Variants in USP13 observed in about 807,000 individuals in gnomAD.
USP13 encodes the protein ubiquitin carboxyl-terminal hydrolase 13.
A neutral mutation model predicts 107.8 loss-of-function variants in USP13; 68 were observed. That is an observed-to-expected ratio of 0.63 (90% CI 0.52 to 0.77). The LOEUF is 0.77. Ranked by LOEUF, USP13 falls within the 30% of genes least tolerant of loss-of-function variation. The probability of loss-of-function intolerance (pLI) is 0.00; values close to 1 mark genes in which losing one functional copy is unlikely to be tolerated. For missense variants in USP13, 945 were observed against 1,093.3 expected, an observed-to-expected ratio of 0.86 and a Z score of 1.91; for synonymous variants, 377 against 389.5, an observed-to-expected ratio of 0.97 and a Z score of 0.38.
chr3:179,687,878 G>C (rs1237256327), intron 2 of USP13, among the ~76,000 whole-genome samples: 1 of 151,920 alleles, frequency 6.6e-6, no homozygotes, highest in Non-Finnish European at 1.5e-5. Context: ...GTAATTATAA[G>C]GTGCTCATGA....
chr3:179,773,976 G>C (rs560479904), intron 19 of USP13, among the ~76,000 whole-genome samples: 39 of 152,214 alleles, frequency 2.6e-4, no homozygotes, highest in African/African-American at 9.4e-4. Context: ...TGCTGTAAGA[G>C]AATACCTGAG....
At position 179,681,996 on chromosome 3, in the gene USP13, T is replaced by C; in HGVS notation, c.287T>C (p.Val96Ala). The C allele has an allele frequency of 6.2e-7, 1 of 1,612,808 alleles. No individual in the cohort carries two copies. Among genetic ancestry groups the C allele is most frequent in the Non-Finnish European group, 8.5e-7 (1 of 1,179,232 alleles). ...GTATACATGCACCTGAAAAGACATG[T>C]GCGAGAGGTGAGAGCGGCACTTTCA... Reference protein sequence around the residue: ...QSVYMHLKRHVREKVRGASGG... With the variant: ...QSVYMHLKRHAREKVRGASGG... The change falls in exon 2 of 21, where the codon GTG (valine) becomes GCG (alanine). Residue 96 changes from valine (V) to alanine (A), a missense_variant. Val to Ala is a moderately conservative substitution (Grantham distance 64). Transcript: ENST00000263966.
intron 19 of USP13, among the ~76,000 whole-genome samples, chr3:179,777,566 C>T (rs1379514576): frequency 4.0e-5 from 6 of 151,766 alleles, no homozygotes; most frequent in African/African-American, 1.5e-4. Flanking sequence ...AATTCTCCCA[C>T]CTCCGTCTCC....
rs74494340 is a variant in USP13 at position 179,655,198 on chromosome 3, A to G, written c.168+1805A>G. ...GAAAGTGGGTCAAATGACTTTCCCCATGTTTTGATTTGGGCTCTTCTTCAA... is the reference window on the plus strand; with the variant it reads ...GAAAGTGGGTCAAATGACTTTCCCCGTGTTTTGATTTGGGCTCTTCTTCAA... On this transcript the variant is annotated intron_variant, in intron 1 of 20. Coordinates refer to ENST00000263966, the MANE Select transcript of USP13 (RefSeq NM_003940.3). Among the ~76,000 whole-genome samples, 8 of 152,250 alleles carry G rather than the reference A, an allele frequency of 5.3e-5. 1 individual carries two copies. Among genetic ancestry groups the G allele is most frequent in the African/African-American group, 1.7e-4 (7 of 41,542 alleles).
At chr3:179,690,826 G>T (rs1470616127) in intron 3 of USP13, among the ~76,000 whole-genome samples, 3 of 152,062 alleles carry the variant, frequency 2.0e-5, no homozygotes, top group African/African-American at 4.8e-5. Context: ...CAACTGCCTC[G>T]GCTGGGATTT....
chr3:179,783,039 C>T (rs1715800271), intron 20 of USP13, among the ~76,000 whole-genome samples: 1 of 152,108 alleles, frequency 6.6e-6, no homozygotes, highest in African/African-American at 2.4e-5. Flanking sequence ...GTCACCGCAC[C>T]CGGCTGGGAC....
At chr3:179,783,549 A>T (rs1330500567) in intron 20 of USP13, among the ~76,000 whole-genome samples, 2 of 152,240 alleles carry the variant, frequency 1.3e-5, no homozygotes, top group African/African-American at 4.8e-5. Flanking sequence ...AGCTAGTTTT[A>T]TACTAAGACT....
intron 10 of USP13, among the ~76,000 whole-genome samples, chr3:179,735,630 G>A (rs1256302987): frequency 6.0e-5 from 9 of 150,722 alleles, no homozygotes; most frequent in Admixed American, 2.0e-4. Flanking sequence ...CTTCCCTTCA[G>A]TATTTTAACA....
intron 19 of USP13, among the ~76,000 whole-genome samples, chr3:179,778,303 T>G (rs553336508): frequency 6.6e-6 from 1 of 152,350 alleles, no homozygotes; most frequent in South Asian, 2.1e-4. Context: ...CCTTCATTCA[T>G]TCATTTATTT....
At chr3:179,760,499 G>A (rs1451433887) in intron 16 of USP13, among the ~76,000 whole-genome samples, 1 of 152,022 alleles carries the variant, frequency 6.6e-6, no homozygotes, top group Non-Finnish European at 1.5e-5. Flanking sequence ...TAGCCAGGAT[G>A]GTCTCGATCT....
intron 1 of USP13, among the ~76,000 whole-genome samples, chr3:179,658,144 C>T (rs142522292): frequency 0.012 from 1,806 of 152,160 alleles, 20 homozygotes; most frequent in Non-Finnish European, 0.018. Flanking sequence ...TTAGTAGAGA[C>T]GGGGTTTCAC....
intron 1 of USP13, among the ~76,000 whole-genome samples, chr3:179,675,162 GACACTCCAT>G (rs924627340): frequency 2.0e-5 from 3 of 149,820 alleles, no homozygotes; most frequent in African/African-American, 4.9e-5. Flanking sequence ...GCGACAGAGT[GACACTCCAT>G]CTCAAAAAAA....
In USP13 at chr3:179,653,279, G is replaced by A. The variant is rs1388807444; in HGVS notation, c.54G>A (p.Lys18=). The A allele has an allele frequency of 9.6e-6, 15 of 1,569,760 alleles. No homozygotes were observed. Among genetic ancestry groups the A allele is most frequent in the Admixed American group, 3.8e-5 (2 of 53,020 alleles). ...TGCCGGGCGGCAGCGGAGGCAGGAAGATGGCTGCAGGAGACATCGGCGAGC... is the reference window on the plus strand; with the variant it reads ...TGCCGGGCGGCAGCGGAGGCAGGAAAATGGCTGCAGGAGACATCGGCGAGC... ...FGMPGGSGGR[K]MAAGDIGELL... Residue 18 remains lysine (K), a synonymous_variant, in exon 1 of 21, where the codon AAG becomes AAA. Coordinates refer to ENST00000263966, the MANE Select transcript of USP13 (RefSeq NM_003940.3). This position sits in a 1 kb window ranked among gnomAD's most constrained non-coding sequence, Gnocchi z 4.0.
chr3:179,687,958 ACTT>A lies in USP13; in HGVS notation c.295-2276_295-2274del, dbSNP rs1711937677. Among the ~76,000 whole-genome samples the A allele has an allele frequency of 3.9e-5, 6 of 152,152 alleles. No homozygotes were observed. In the East Asian group the frequency reaches 5.8e-4, roughly 15 times the overall value. On this transcript the variant is annotated intron_variant, in intron 2 of 20. Coordinates refer to ENST00000263966, the MANE Select transcript of USP13 (RefSeq NM_003940.3). ...GTTTGTGCTCCAGACATAGCAAATC[ACTT>A]CTTCTTTCTGGAGCACACTGTGATT...
intron 20 of USP13, 121 bp downstream of exon 20, chr3:179,781,944 G>GGTAT: frequency 1.2e-6 from 1 of 866,786 alleles, no homozygotes; most frequent in Non-Finnish European, 1.8e-6. Flanking sequence ...TCTTGTAAAG[G>GGTAT]GTATACTGTT....
intron 10 of USP13, among the ~76,000 whole-genome samples, chr3:179,739,241 C>G (rs2108510944): frequency 6.6e-6 from 1 of 152,350 alleles, no homozygotes; most frequent in Non-Finnish European, 1.5e-5. Flanking sequence ...AGCTGTCCTG[C>G]TGGTCCCCCA....
intron 13 of USP13, among the ~76,000 whole-genome samples, chr3:179,750,304 G>GTATATATATATATATATATGTGTGTGTA (rs61032635): frequency 1.8e-5 from 2 of 113,514 alleles, no homozygotes; most frequent in African/African-American, 5.8e-5. Flanking sequence ...ATATGTGTGT[G>GTATATATATATATATATATGTGTGTGTA]TATATATATA....
At chr3:179,692,744 T>G (rs987739768) in intron 3 of USP13, among the ~76,000 whole-genome samples, 1 of 152,234 alleles carries the variant, frequency 6.6e-6, no homozygotes, top group Non-Finnish European at 1.5e-5. Context: ...CCTTGGCCTT[T>G]AATTTTTGTG....
At chr3:179,674,496 T>C (rs1030815121) in intron 1 of USP13, among the ~76,000 whole-genome samples, 2 of 152,264 alleles carry the variant, frequency 1.3e-5, no homozygotes, top group African/African-American at 4.8e-5. Context: ...ACTTTGTCTT[T>C]TTAAATAATG....
Sources: gnomAD v4.1 joint callset for allele counts (sites outside exome capture counted in the v4.1 genomes callset) on GRCh38, gnomAD v4.1.1 for gene constraint, Gnocchi (gnomAD v3.1) non-coding constraint, MANE v1.5 for transcripts, NCBI Gene and HGNC (gene_info 2026-07-23, HGNC 2026-07-21) for gene names.